The following ZCRB1 variants were observed in gnomAD, a reference collection of about 807,000 sequenced individuals.
ZCRB1 encodes the protein zinc finger CCHC-type and RNA-binding motif-containing protein 1.
ZCRB1 carries 21 observed loss-of-function variants against 29.9 expected under a neutral mutation model. The observed-to-expected ratio is 0.70, with a 90% CI of 0.50 to 1.01. The LOEUF is 1.01. ZCRB1 is among the 50% of genes least tolerant of loss of function. ZCRB1 has a pLI of 0.00. For missense variants in ZCRB1, 204 were observed against 253.3 expected, an observed-to-expected ratio of 0.81 and a Z score of 1.32; for synonymous variants, 77 against 80.0, an observed-to-expected ratio of 0.96 and a Z score of 0.20.
intron 3 of ZCRB1, among the ~76,000 whole-genome samples, chr12:42,321,158 C>T (rs1206115098): frequency 6.6e-6 from 1 of 152,182 alleles, no homozygotes; most frequent in East Asian, 1.9e-4. Context: ...GCTCTCTAGA[C>T]TAGATAGTCT....
At chr12:42,319,807 T>C (rs2068612463) in intron 3 of ZCRB1, among the ~76,000 whole-genome samples, 1 of 152,246 alleles carries the variant, frequency 6.6e-6, no homozygotes, top group Admixed American at 6.5e-5. Context: ...TATACCTTTA[T>C]ATTCAATGGG....
chr12:42,313,928 G>T lies in ZCRB1; in HGVS notation c.392C>A (p.Pro131Gln), dbSNP rs17852093. 1 of 1,603,630 alleles carries T rather than the reference G, an allele frequency of 6.2e-7. No individual in the cohort carries two copies. Among genetic ancestry groups the T allele is most frequent in the South Asian group, 1.1e-5 (1 of 87,790 alleles). The change falls in exon 6 of 8, where the codon CCA becomes CAA. Residue 131 changes from proline (P) to glutamine (Q), a missense_variant. Coordinates refer to ENST00000266529, the MANE Select transcript of ZCRB1 (RefSeq NM_033114.4). ...PKNMLGEREP[P>Q]KKKEKKKKKK... ...TTTTTTCTTTTTTTCTTTCTTCTTT[G>T]GAGGCTCACGTTCTCCGAGCATATT...
rs17091074 is a variant in ZCRB1 at position 42,324,009 on chromosome 12, A to T, written c.84+10T>A. 0.24 allele frequency: 392,269 copies of T among 1,607,920 alleles called. 51,905 individuals are homozygous for T. Among genetic ancestry groups the T allele is most frequent in the African/African-American group, 0.5 (37,323 of 74,696 alleles). On this transcript the variant is annotated intron_variant, in intron 2 of 7. Coordinates refer to ENST00000266529, the MANE Select transcript of ZCRB1 (RefSeq NM_033114.4). ...TCTCAAATAGCAGTCACTCGATAAG[A>T]TTTACTTACCCGGTACAAGTCATTG...
At chr12:42,318,129 G>A (rs1235729082) in intron 3 of ZCRB1, among the ~76,000 whole-genome samples, 1 of 152,146 alleles carries the variant, frequency 6.6e-6, no homozygotes. Context: ...AGAGATTGAA[G>A]GGTGAAGTAA....
At chr12:42,314,275 T>C (rs1163469923) in intron 5 of ZCRB1, among the ~76,000 whole-genome samples, 1 of 151,142 alleles carries the variant, frequency 6.6e-6, no homozygotes, top group Non-Finnish European at 1.5e-5. Context: ...TATAAAACAG[T>C]TTGGTCGGGC....
rs138418559 is a variant in ZCRB1, at chr12:42,313,145, G to A, written c.576C>T (p.Pro192=). The change falls in exon 8 of 8, where the codon CCC becomes CCT. Residue 192 remains proline, a synonymous_variant. Coordinates refer to ENST00000266529, the MANE Select transcript of ZCRB1 (RefSeq NM_033114.4). ...GGCGTCTTGAATCATCTGATGTTGA[G>A]GGGACTCCTGAACTGGGTTTCCATT... The part of the protein sequence containing the change: ...QKKWKPSSGV[P]STSDDSRRPR... 2 of 1,612,158 alleles carry A rather than the reference G, an allele frequency of 1.2e-6. No individual in the cohort carries two copies. Among genetic ancestry groups the A allele is most frequent in the African/African-American group, 2.7e-5 (2 of 74,858 alleles).
In ZCRB1 at chr12:42,322,999, A is replaced by G. The variant is rs73285625; in HGVS notation, c.85-553T>C. 9.1e-3 allele frequency among the ~76,000 whole-genome samples: 1,385 copies of G among 152,294 alleles called. 21 individuals carry two copies. Among genetic ancestry groups the G allele is most frequent in the African/African-American group, 0.031 (1,287 of 41,556 alleles). ...TCTTCTTCCTCTGCCCACCATTAAC[A>G]TGTTGGTGGAACTTTATACTTGGCT... On this transcript the variant is annotated intron_variant, in intron 2 of 7. Transcript: ENST00000266529.
intron 3 of ZCRB1, among the ~76,000 whole-genome samples, chr12:42,321,949 T>G (rs1030139869): frequency 6.6e-6 from 1 of 152,152 alleles, no homozygotes; most frequent in African/African-American, 2.4e-5. Context: ...AAGCTATCTC[T>G]GAAGGAAGAT....
intron 1 of ZCRB1, 82 bp downstream of exon 1, chr12:42,325,840 GGA>G (rs2068710554): frequency 6.6e-6 from 1 of 152,392 alleles, no homozygotes; most frequent in Non-Finnish European, 1.5e-5. Context: ...AAGGGTGGCG[GGA>G]GAGAGGGGCA....
At chr12:42,318,239 T>C (rs2068604329) in intron 3 of ZCRB1, among the ~76,000 whole-genome samples, 1 of 152,182 alleles carries the variant, frequency 6.6e-6, no homozygotes, top group Admixed American at 6.5e-5. Flanking sequence ...AGGTATACTT[T>C]ACACAAAAAG....
intron 3 of ZCRB1, among the ~76,000 whole-genome samples, chr12:42,319,010 G>A (rs1381355833): frequency 1.3e-5 from 2 of 152,034 alleles, no homozygotes; most frequent in African/African-American, 4.8e-5. Context: ...GATGACTGGT[G>A]AATGTAGAGG....
intron 5 of ZCRB1, among the ~76,000 whole-genome samples, chr12:42,315,456 T>C (rs1175626577): frequency 6.6e-6 from 1 of 152,146 alleles, no homozygotes; most frequent in Non-Finnish European, 1.5e-5. Flanking sequence ...TTACTGTTAA[T>C]GAGCTGCTGA....
intron 1 of ZCRB1, among the ~76,000 whole-genome samples, chr12:42,325,135 A>G (rs933706746): frequency 6.6e-6 from 1 of 152,256 alleles, no homozygotes; most frequent in Admixed American, 6.5e-5. Context: ...AACGTACACT[A>G]AAAATATGGT....
chr12:42,318,757 TGA>T (rs1313442816), intron 3 of ZCRB1, among the ~76,000 whole-genome samples: 3 of 149,932 alleles, frequency 2.0e-5, no homozygotes, highest in Admixed American at 6.7e-5. Flanking sequence ...CGTGAGCGAG[TGA>T]GAGAGAGAGA....
intron 3 of ZCRB1, among the ~76,000 whole-genome samples, chr12:42,318,137 T>TA (rs2068603957): frequency 6.6e-6 from 1 of 152,198 alleles, no homozygotes; most frequent in South Asian, 2.1e-4. Flanking sequence ...AAGGGTGAAG[T>TA]AAAGAAATTA....
In ZCRB1 at chr12:42,312,587, T is replaced by C. The variant is rs961149295; in HGVS notation, c.*480A>G. 2.0e-5 allele frequency: 3 copies of C among 152,216 alleles called. No individual in the cohort carries two copies. Among genetic ancestry groups the C allele is most frequent in the Admixed American group, 1.3e-4 (2 of 15,270 alleles). The allele number at this position is 152,216 out of a possible 1,614,324, so 9.4% of individuals were successfully genotyped here. ...GTGTGCACATGTAAGTAGTTTCTTC[T>C]AGGGAATGGAATTTGGTGCTATGGG... is the stretch of plus-strand genomic sequence containing the variant. On this transcript the variant is annotated 3_prime_UTR_variant, in exon 8 of 8. Coordinates refer to ENST00000266529, the MANE Select transcript of ZCRB1 (RefSeq NM_033114.4).
chr12:42,319,605 T>C (rs1194010411), intron 3 of ZCRB1, among the ~76,000 whole-genome samples: 2 of 152,190 alleles, frequency 1.3e-5, no homozygotes, highest in African/African-American at 4.8e-5. Context: ...ATTTTCCTCA[T>C]TCTTTCGGGG....
At chr12:42,324,524 A>G (rs1324758743) in intron 1 of ZCRB1, among the ~76,000 whole-genome samples, 1 of 152,260 alleles carries the variant, frequency 6.6e-6, no homozygotes, top group East Asian at 1.9e-4. Context: ...AAAACAAAAA[A>G]CAAAAACCAA....
intron 5 of ZCRB1, among the ~76,000 whole-genome samples, chr12:42,316,753 A>G (rs1260355973): frequency 6.6e-6 from 1 of 152,234 alleles, no homozygotes; most frequent in Admixed American, 6.5e-5. Flanking sequence ...TGAGTTACGA[A>G]AATCTTGCAA....
Sources: gnomAD v4.1 joint callset for allele counts (sites outside exome capture counted in the v4.1 genomes callset) on GRCh38, gnomAD v4.1.1 for gene constraint, MANE v1.5 for transcripts, NCBI Gene and HGNC (gene_info 2026-07-23, HGNC 2026-07-21) for gene names.